The following ACY3 variants were observed in gnomAD, a reference collection of about 807,000 sequenced individuals.
The protein encoded by ACY3 is aminoacylase 3, also known as N-acyl-aromatic-L-amino acid amidohydrolase (carboxylate-forming).
ACY3 carries 20 observed loss-of-function variants against 24.6 expected under a neutral mutation model. The observed-to-expected ratio is 0.81, with a 90% CI of 0.57 to 1.18. The LOEUF (loss-of-function observed/expected upper bound fraction) is 1.18. Among genes scored for constraint, ACY3 ranks in the 50% most tolerant of loss-of-function variants. The probability of loss-of-function intolerance (pLI) is 0.00; values close to 1 mark genes in which losing one functional copy is unlikely to be tolerated. For missense variants in ACY3, 423 were observed against 426.8 expected (o/e 0.99, Z 0.08); for synonymous variants, 174 against 188.4 (o/e 0.92, Z 0.62).
intron 1 of ACY3, among the ~76,000 whole-genome samples, chr11:67,647,857 G>T (rs981689538): frequency 6.6e-6 from 1 of 152,194 alleles, no homozygotes. Flanking sequence ...CCCGCAGTGG[G>T]GTGGTGACTT....
intron 7 of ACY3, among the ~76,000 whole-genome samples, chr11:67,644,062 T>C (rs747726829): frequency 1.3e-5 from 2 of 152,192 alleles, no homozygotes; most frequent in African/African-American, 4.8e-5. Context: ...TTGACTGTTA[T>C]GACTGAACGT....
chr11:67,649,860 G>GTGTGTGTGCA lies in ACY3; in HGVS notation c.-95+713_-95+722dup, dbSNP rs1161599848. Reference sequence around the variant, plus strand: ...TACATGTGTGCGTGTGTGCATGAGAGTGTGTGTGCATGTGTGTGCATGTGT... The same window carrying GTGTGTGTGCA: ...TACATGTGTGCGTGTGTGCATGAGAGTGTGTGTGCATGTGTGTGCATGTGTGTGCATGTGT... On this transcript the variant is annotated intron_variant, in intron 1 of 7. Transcript: ENST00000255082. Among the ~76,000 whole-genome samples, 386 of 150,386 alleles carry GTGTGTGTGCA rather than the reference G, an allele frequency of 2.6e-3. 4 individuals carry two copies. The highest frequency in any genetic ancestry group is 2.8e-3 in the Non-Finnish European group (187 of 67,514).
Position 67,645,781 on chromosome 11 carries a change from G to T in ACY3, c.343C>A (p.Leu115Met). The T allele has an allele frequency of 3.7e-6, 6 of 1,614,026 alleles. No homozygotes were observed. The highest frequency in any genetic ancestry group is 3.4e-6 in the Non-Finnish European group (4 of 1,179,982). ...SGQAFDFVLDLHNTTANMGTC... is the reference protein window; with the variant it reads ...SGQAFDFVLDMHNTTANMGTC... ...CCCATGTTGGCCGTGGTGTTGTGCAGGTCAAGGACAAAGTCAAAGGCCTGG... is the reference window on the plus strand; with the variant it reads ...CCCATGTTGGCCGTGGTGTTGTGCATGTCAAGGACAAAGTCAAAGGCCTGG... The change falls in exon 4 of 8, where the codon CTG becomes ATG. Residue 115 changes from leucine to methionine, a missense_variant. Transcript: ENST00000255082.
intron 7 of ACY3, 37 bp downstream of exon 7, chr11:67,644,723 C>G: frequency 6.9e-7 from 1 of 1,451,060 alleles, no homozygotes. Flanking sequence ...CCCCAGAAAT[C>G]ACCCCCCACC....
rs549560250 is a variant in ACY3 at position 67,649,672 on chromosome 11, G to A, written c.-95+911C>T. 6.7e-4 allele frequency among the ~76,000 whole-genome samples: 99 copies of A among 147,460 alleles called. 2 individuals are homozygous for A. In the South Asian group the frequency reaches 8.6e-3, roughly 13 times the overall value. On this transcript the variant is annotated intron_variant, in intron 1 of 7. Coordinates refer to ENST00000255082, the MANE Select transcript of ACY3 (RefSeq NM_080658.2). Reference sequence around the variant, plus strand: ...TGCGTGTGTACATGTGTGTGCATGTGCATGAGTATTGTGTGCATGTGTGCA... The same window carrying A: ...TGCGTGTGTACATGTGTGTGCATGTACATGAGTATTGTGTGCATGTGTGCA...
intron 2 of ACY3, 100 bp from the exon 3 acceptor site, chr11:67,647,163 A>C: frequency 1.1e-6 from 1 of 883,998 alleles, no homozygotes; most frequent in African/African-American, 1.7e-5. Flanking sequence ...GCCACCTGTC[A>C]AGAGGTGTGG....
chr11:67,649,717 G>A (rs1018445015), intron 1 of ACY3, among the ~76,000 whole-genome samples: 7 of 150,662 alleles, frequency 4.6e-5, no homozygotes, highest in Admixed American at 2.6e-4. Context: ...ACATGTGTGC[G>A]TGTGTGCATG....
At chr11:67,645,236 G>A (rs780702044) in intron 5 of ACY3, 51 bp downstream of exon 5, 4 of 1,600,526 alleles carry the variant, frequency 2.5e-6, no homozygotes, top group African/African-American at 2.7e-5. Context: ...GACTGGACCC[G>A]CCCCTCCAGC....
At position 67,642,669 on chromosome 11, in the gene ACY3, C is replaced by T; in HGVS notation, c.*55G>A. Reference sequence around the variant, plus strand: ...AGGGACCTCTGTGCTCAGAGCTGTGCCTCAGGACCCATCGTTCAGATGGGA... The same window carrying T: ...AGGGACCTCTGTGCTCAGAGCTGTGTCTCAGGACCCATCGTTCAGATGGGA... On this transcript the variant is annotated 3_prime_UTR_variant, in exon 8 of 8. Transcript: ENST00000255082. 1.3e-6 allele frequency: 2 copies of T among 1,579,374 alleles called. No homozygotes were observed. Among genetic ancestry groups the T allele is most frequent in the Admixed American group, 1.7e-5 (1 of 59,990 alleles).
Position 67,645,575 on chromosome 11 carries a change from AG to A in ACY3, c.432+116del, listed in dbSNP as rs1451710179. 1.4e-5 allele frequency: 18 copies of A among 1,328,202 alleles called. 1 individual carries two copies. The Admixed American group carries it at 1.6e-4, about 11-fold the overall frequency. 82.3% of individuals were successfully genotyped at this position (1,328,202 alleles called of 1,614,324 possible). ...TGGCAGACCCCAGGGACTGGAGCCC[AG>A]GGGAAACTAGGCCCGGGGAAGAGGG... On this transcript the variant is annotated intron_variant, in intron 4 of 7. Transcript: ENST00000255082.
chr11:67,646,938 G>A lies in ACY3; in HGVS notation c.106C>T (p.His36Tyr). ...SGVYLARHWL[H>Y]APAELQRASF... is the part of the protein sequence containing the mutation. ...GCTCTCTGCAGCTCTGCGGGGGCAT[G>A]CAGCCAGTGCCGGGCCAGGTAGACG... The change falls in exon 3 of 8, where the codon CAT becomes TAT. Residue 36 changes from histidine to tyrosine, a missense_variant. Transcript: ENST00000255082. The A allele has an allele frequency of 6.2e-7, 1 of 1,602,522 alleles. No homozygotes were observed. Among genetic ancestry groups the A allele is most frequent in the Non-Finnish European group, 8.5e-7 (1 of 1,174,542 alleles).
At chr11:67,645,926 C>G (rs1002376142) in intron 3 of ACY3, 39 bp from the exon 4 acceptor site, 3 of 1,543,894 alleles carry the variant, frequency 1.9e-6, no homozygotes, top group African/African-American at 2.8e-5. Flanking sequence ...TCTTCACAGT[C>G]TCAGTCAGTC....
At chr11:67,647,819 A>T (rs1489323162) in intron 1 of ACY3, among the ~76,000 whole-genome samples, 2 of 152,216 alleles carry the variant, frequency 1.3e-5, no homozygotes, top group African/African-American at 2.4e-5. Flanking sequence ...CAGAGGGGCC[A>T]CCTTCCTTAA....
At position 67,646,962 on chromosome 11, in the gene ACY3, C is replaced by T. The variant is rs115626671; in HGVS notation, c.82G>A (p.Val28Ile). Reference sequence around the variant, plus strand: ...TGCAGCCAGTGCCGGGCCAGGTAGACGCCCGACATCTCGTTGCCATGCGTG... The same window carrying T: ...TGCAGCCAGTGCCGGGCCAGGTAGATGCCCGACATCTCGTTGCCATGCGTG... The part of the protein sequence containing the change: ...GGTHGNEMSG[V>I]YLARHWLHAP... Residue 28 changes from valine to isoleucine, a missense_variant, in exon 3 of 8, where the codon GTC becomes ATC. Transcript: ENST00000255082. 3.7e-3 allele frequency: 5,805 copies of T among 1,585,908 alleles called. 18 individuals carry two copies. The highest frequency in any genetic ancestry group is 9.1e-3 in the African/African-American group (680 of 74,570).
intron 1 of ACY3, among the ~76,000 whole-genome samples, chr11:67,649,672 G>T (rs549560250): frequency 6.1e-5 from 9 of 147,342 alleles, no homozygotes; most frequent in African/African-American, 2.4e-4. Context: ...GTGTGCATGT[G>T]CATGAGTATT....
intron 4 of ACY3, 138 bp from the exon 5 acceptor site, chr11:67,645,518 A>G: frequency 8.1e-7 from 1 of 1,231,350 alleles, no homozygotes; most frequent in East Asian, 2.5e-5. Flanking sequence ...AGGGTAGGGG[A>G]GGGGGTACCG....
intron 7 of ACY3, 72 bp downstream of exon 7, chr11:67,644,688 A>T: frequency 1.4e-6 from 2 of 1,423,250 alleles, no homozygotes; most frequent in South Asian, 1.3e-5. Context: ...GTTTTCCTTG[A>T]CAATCCTCCT....
At chr11:67,650,486 G>A (rs374780144) in intron 1 of ACY3, 97 bp downstream of exon 1, 2 of 152,274 alleles carry the variant, frequency 1.3e-5, no homozygotes, top group South Asian at 2.1e-4. Context: ...CAAAACTCTG[G>A]CGACCCAGAT....
chr11:67,648,102 G>A (rs1421137858), intron 1 of ACY3, among the ~76,000 whole-genome samples: 1 of 152,220 alleles, frequency 6.6e-6, no homozygotes, highest in Non-Finnish European at 1.5e-5. Context: ...TTTGATCCGG[G>A]ATTTCAGTCA....
Sources: allele counts gnomAD v4.1 joint callset (sites outside exome capture counted in the v4.1 genomes callset), GRCh38; gene constraint gnomAD v4.1.1; transcripts MANE v1.5; gene names NCBI Gene and HGNC (gene_info 2026-07-23, HGNC 2026-07-21).